Variants in PPP6R3 observed in about 807,000 individuals in gnomAD.
PPP6R3 encodes the protein serine/threonine-protein phosphatase 6 regulatory subunit 3.
A neutral mutation model predicts 110.7 loss-of-function variants in PPP6R3; 38 were observed. The observed-to-expected ratio is 0.34, with a 90% CI of 0.26 to 0.45. The LOEUF is 0.45. Ranked by LOEUF, PPP6R3 falls within the 20% of genes least tolerant of loss-of-function variation. The pLI, the probability that PPP6R3 is intolerant of heterozygous loss-of-function variation, is 1.00. For synonymous variants in PPP6R3, 369 were observed against 373.5 expected, an observed-to-expected ratio of 0.99 and a Z score of 0.14; for missense variants, 870 against 1,062.4, an observed-to-expected ratio of 0.82 and a Z score of 2.52.
chr11:68,605,411 CATGT>C (rs1939046351), intron 22 of PPP6R3, among the ~76,000 whole-genome samples: 1 of 152,156 alleles, frequency 6.6e-6, no homozygotes, highest in South Asian at 2.1e-4. Flanking sequence ...GAACTTGTTA[CATGT>C]TAGAATGCCA....
chr11:68,472,903 G>T (rs953661960), intron 1 of PPP6R3, among the ~76,000 whole-genome samples: 1 of 152,114 alleles, frequency 6.6e-6, no homozygotes, highest in Admixed American at 6.5e-5. Flanking sequence ...CCATGTTTTA[G>T]CATGTATCAG....
rs1433537657 is a variant in PPP6R3, at chr11:68,545,040, C to T, written c.414+16C>T. 6.4e-7 allele frequency: 1 copy of T among 1,567,776 alleles called. No homozygotes were observed. Among genetic ancestry groups the T allele is most frequent in the Non-Finnish European group, 8.8e-7 (1 of 1,139,748 alleles). On this transcript the variant is annotated intron_variant, in intron 4 of 23. Coordinates refer to ENST00000393800, the MANE Select transcript of PPP6R3 (RefSeq NM_001164161.2). Reference sequence around the variant, plus strand: ...ACCAGAACAGGTAAATATGATTTTCCAAAAGGTAAGTATTAGGGCTGATCA... The same window carrying T: ...ACCAGAACAGGTAAATATGATTTTCTAAAAGGTAAGTATTAGGGCTGATCA...
At chr11:68,504,783 C>CT (rs1479200073) in intron 1 of PPP6R3, among the ~76,000 whole-genome samples, 1 of 152,202 alleles carries the variant, frequency 6.6e-6, no homozygotes, top group Non-Finnish European at 1.5e-5. Context: ...CTCATCCCAG[C>CT]TACACGCACC....
chr11:68,600,281 C>A (rs1469789166), intron 19 of PPP6R3, 60 bp from the exon 20 acceptor site: 2 of 1,532,768 alleles, frequency 1.3e-6, no homozygotes, highest in African/African-American at 2.8e-5. Context: ...TTGATAAATA[C>A]CTTGTGGTAC....
At chr11:68,473,657 A>G (rs1482000325) in intron 1 of PPP6R3, among the ~76,000 whole-genome samples, 1 of 152,186 alleles carries the variant, frequency 6.6e-6, no homozygotes, top group Non-Finnish European at 1.5e-5. Flanking sequence ...ATCTGACTCT[A>G]TCTCCAGGTA....
chr11:68,461,360 G>A (rs904548361), intron 1 of PPP6R3, among the ~76,000 whole-genome samples: 1 of 152,016 alleles, frequency 6.6e-6, no homozygotes, highest in African/African-American at 2.4e-5. Flanking sequence ...CTGTTAATTC[G>A]CCGCAGAGTC....
chr11:68,607,819 G>A (rs1941103796), intron 22 of PPP6R3, among the ~76,000 whole-genome samples: 1 of 151,656 alleles, frequency 6.6e-6, no homozygotes, highest in African/African-American at 2.4e-5. Flanking sequence ...TGTTGCCCAG[G>A]CTGGAATGCA....
intron 1 of PPP6R3, among the ~76,000 whole-genome samples, chr11:68,496,853 CTTTTTTT>C (rs1157617908): frequency 2.0e-3 from 121 of 61,260 alleles, no homozygotes; most frequent in African/African-American, 6.9e-3. Flanking sequence ...ATATTCTTGT[CTTTTTTT>C]TTTTTTTTTT....
chr11:68,562,186 GTAT>G lies in PPP6R3; in HGVS notation c.846-2112_846-2110del, dbSNP rs926532568. Among the ~76,000 whole-genome samples, 27 of 152,252 alleles carry G rather than the reference GTAT, an allele frequency of 1.8e-4. No individual in the cohort carries two copies. The East Asian group carries it at 3.1e-3, about 17-fold the overall frequency. ...AATTGGAATTTGAAATTTTTTCGAA[GTAT>G]TATTTTTTATAGCATAGAGAAAAGA... On this transcript the variant is annotated intron_variant, in intron 8 of 23. Coordinates refer to ENST00000393800, the MANE Select transcript of PPP6R3 (RefSeq NM_001164161.2).
At chr11:68,509,380 A>G (rs1037737238) in intron 1 of PPP6R3, among the ~76,000 whole-genome samples, 3 of 151,820 alleles carry the variant, frequency 2.0e-5, no homozygotes, top group Non-Finnish European at 2.9e-5. Flanking sequence ...GATTTCTTCA[A>G]CCGTGCTTGT....
chr11:68,585,514 T>C (rs956576397), intron 15 of PPP6R3, among the ~76,000 whole-genome samples: 21 of 152,234 alleles, frequency 1.4e-4, no homozygotes, highest in Admixed American at 4.6e-4. Flanking sequence ...AAAATAATTA[T>C]ACAGCTATAT....
At chr11:68,606,036 A>G (rs971260044) in intron 22 of PPP6R3, among the ~76,000 whole-genome samples, 4 of 152,246 alleles carry the variant, frequency 2.6e-5, no homozygotes, top group Non-Finnish European at 5.9e-5. Flanking sequence ...ACTGAATGCA[A>G]AAATCCTGTG....
intron 15 of PPP6R3, among the ~76,000 whole-genome samples, chr11:68,583,388 T>C (rs1318438119): frequency 6.6e-6 from 1 of 152,234 alleles, no homozygotes; most frequent in Non-Finnish European, 1.5e-5. Context: ...ATGAACTGAA[T>C]AGTTAAGAAG....
chr11:68,538,165 TAAG>T (rs2099280162), intron 3 of PPP6R3, among the ~76,000 whole-genome samples: 1 of 152,208 alleles, frequency 6.6e-6, no homozygotes, highest in Admixed American at 6.5e-5. Context: ...CTCAAAATAG[TAAG>T]ATGATTAAAA....
chr11:68,546,632 G>A (rs1361355856), intron 4 of PPP6R3, among the ~76,000 whole-genome samples: 1 of 152,190 alleles, frequency 6.6e-6, no homozygotes, highest in African/African-American at 2.4e-5. Flanking sequence ...AGTATTAGTA[G>A]GGGTGTATGC....
At chr11:68,541,234 C>G (rs559794676) in intron 3 of PPP6R3, among the ~76,000 whole-genome samples, 1 of 152,318 alleles carries the variant, frequency 6.6e-6, no homozygotes, top group South Asian at 2.1e-4. Flanking sequence ...GGGTCCCTGA[C>G]TTCCTGCAAC....
intron 1 of PPP6R3, among the ~76,000 whole-genome samples, chr11:68,474,914 T>TTTTTTA (rs1013415558): frequency 2.6e-5 from 4 of 152,190 alleles, no homozygotes; most frequent in African/African-American, 9.7e-5. Flanking sequence ...TTTTTTTATT[T>TTTTTTA]TTTTTATTTT....
intron 3 of PPP6R3, 127 bp from the exon 4 acceptor site, chr11:68,544,710 AT>A: frequency 4.7e-6 from 3 of 638,010 alleles, no homozygotes; most frequent in Non-Finnish European, 2.6e-6. Flanking sequence ...GATTGAAATG[AT>A]TTCCTGATTT....
intron 1 of PPP6R3, among the ~76,000 whole-genome samples, chr11:68,502,731 T>G (rs555496245): frequency 6.6e-6 from 1 of 152,248 alleles, no homozygotes; most frequent in East Asian, 1.9e-4. Flanking sequence ...TGCCTTTTAC[T>G]GAGATGGGGA....
Sources: gnomAD v4.1 joint callset for allele counts (sites outside exome capture counted in the v4.1 genomes callset) on GRCh38, gnomAD v4.1.1 for gene constraint, MANE v1.5 for transcripts, NCBI Gene and HGNC (gene_info 2026-07-23, HGNC 2026-07-21) for gene names.